The following ABCA2 variants were observed in gnomAD, a reference collection of about 807,000 sequenced individuals.
The protein encoded by ABCA2 is ATP-binding cassette sub-family A member 2.
In ABCA2, 84 loss-of-function variants were observed where a neutral mutation model predicts 262.8. The ratio of observed to expected loss-of-function variants is 0.32; its 90% CI spans 0.27 to 0.38. The LOEUF is 0.38. Ranked by LOEUF, ABCA2 falls within the 10% of genes least tolerant of loss-of-function variation. The probability of loss-of-function intolerance (pLI) is 1.00; values close to 1 mark genes in which losing one functional copy is unlikely to be tolerated. For missense variants in ABCA2, 2,662 were observed against 3,405.9 expected (o/e 0.78, Z 5.44); for synonymous variants, 1,696 against 1,502.9 (o/e 1.13, Z -2.97).
chr9:137,013,757 A>T (rs984067595), intron 28 of ABCA2, 75 bp downstream of exon 28: 2 of 1,491,690 alleles, frequency 1.3e-6, no homozygotes, highest in East Asian at 2.5e-5. Context: ...GAAGCTCAGG[A>T]GTGGGCATCA....
At chr9:137,014,067 T>A in intron 27 of ABCA2, 29 bp from the exon 28 acceptor site, 7 of 1,604,392 alleles carry the variant, frequency 4.4e-6, no homozygotes, top group Non-Finnish European at 5.9e-6. Context: ...GCTGAGCAGG[T>A]GGTTGCACGC....
In ABCA2 at chr9:137,011,150, C is replaced by T. The variant is rs544863894; in HGVS notation, c.5923+36G>A. 1.3e-5 allele frequency: 21 copies of T among 1,612,070 alleles called. 1 individual carries two copies. The South Asian group carries it at 1.9e-4, about 14-fold the overall frequency. ...GGCCTGTGCTCTGGGCCTTGCGGGG[C>T]CCCCACCGCCTTCCCCGCCCCACGG... On this transcript the variant is annotated intron_variant, in intron 38 of 48. Coordinates refer to ENST00000341511, the MANE Select transcript of ABCA2 (RefSeq NM_001606.5). The surrounding 1 kb of genome is among the most constrained non-coding windows in gnomAD (Gnocchi z 8.8).
intron 10 of ABCA2, chr9:137,020,096 C>G: frequency 1.7e-6 from 1 of 572,344 alleles, no homozygotes; most frequent in African/African-American, 1.9e-5. Context: ...CCGGCCACCC[C>G]CAGCCGGAGG....
rs535514173 is a variant in ABCA2 at position 137,009,074 on chromosome 9, C to G, written c.6828-21G>C. The G allele has an allele frequency of 4.1e-5, 66 of 1,599,958 alleles. No individual in the cohort carries two copies. In the South Asian group the frequency reaches 6.7e-4, roughly 16 times the overall value. On this transcript the variant is annotated intron_variant, in intron 45 of 48. Coordinates refer to ENST00000341511, the MANE Select transcript of ABCA2 (RefSeq NM_001606.5). ...CAAACCTGGTGGGACAGGCCGGTGG[C>G]CCGGAGCCCTGCGCCGCCCAGCCAG...
At position 137,010,189 on chromosome 9, in the gene ABCA2, C is replaced by G. The variant is rs759509774; in HGVS notation, c.6353+4G>C. The G allele has an allele frequency of 1.2e-6, 2 of 1,600,596 alleles. No individual in the cohort carries two copies. The highest frequency in any genetic ancestry group is 2.2e-5 in the South Asian group (2 of 90,710). ...GCCCCGCCCACCCAGGGCTCCCGCC[C>G]CACCTGTGTCCATTGACGAAGGCCT... On this transcript the variant is annotated splice_donor_region_variant and intron_variant, in intron 41 of 48. Transcript: ENST00000341511.
Position 137,012,349 on chromosome 9 carries a change from T to C in ABCA2, c.5215A>G (p.Ser1739Gly). ...QVFYNNKGYHSMPTYLNSLNN... is the reference protein window; with the variant it reads ...QVFYNNKGYHGMPTYLNSLNN... ...AGGCTGTTGAGGTAGGTGGGCATGC[T>C]GTGATAGCCCTTGTTGTTGTAGAAA... Residue 1739 changes from serine (S) to glycine (G), a missense_variant, in exon 33 of 49, where the codon AGC (serine) becomes GGC (glycine). Physicochemically the swap from Ser to Gly is moderately conservative, Grantham distance 56. Around this residue, in one of 12 missense-constraint regions of ABCA2, gnomAD observed 602 missense variants for 897.4 expected, o/e 0.67. Coordinates refer to ENST00000341511, the MANE Select transcript of ABCA2 (RefSeq NM_001606.5). The C allele has an allele frequency of 6.2e-7, 1 of 1,612,320 alleles. No homozygotes were observed. The highest frequency in any genetic ancestry group is 8.5e-7 in the Non-Finnish European group (1 of 1,179,730).
Position 137,022,303 on chromosome 9 carries a change from G to A in ABCA2, c.567+48C>T, listed in dbSNP as rs907521298. The stretch of plus-strand genomic sequence containing the variant: ...GATGGCTCAGCAACCAGGGGGCGTG[G>A]CTGGGGCAGAAGGGAGTGGCCAGGG... On this transcript the variant is annotated intron_variant, in intron 6 of 48. Transcript: ENST00000341511. 7.8e-6 allele frequency: 12 copies of A among 1,539,710 alleles called. No homozygotes were observed. In the African/African-American group the frequency reaches 1.6e-4, roughly 21 times the overall value.
In ABCA2 at chr9:137,007,845, G is replaced by A. The variant is rs531301344; in HGVS notation, c.*84C>T. On this transcript the variant is annotated 3_prime_UTR_variant, in exon 49 of 49. Coordinates refer to ENST00000341511, the MANE Select transcript of ABCA2 (RefSeq NM_001606.5). ...CACTCCAGGCCCTGGCAGGCACTGGGGGACTTCTGTCCCCATTGTTGAGTC... is the reference window on the plus strand; with the variant it reads ...CACTCCAGGCCCTGGCAGGCACTGGAGGACTTCTGTCCCCATTGTTGAGTC... 18 of 1,568,322 alleles carry A rather than the reference G, an allele frequency of 1.1e-5. 2 individuals carry two copies. In the South Asian group the frequency reaches 2.0e-4, roughly 18 times the overall value.
At chr9:137,022,069 TC>T in intron 6 of ABCA2, 68 bp from the exon 7 acceptor site, 1 of 587,524 alleles carries the variant, frequency 1.7e-6, no homozygotes, top group East Asian at 7.2e-5. Context: ...GGGGCGTGGC[TC>T]CGATGGACGT....
Position 137,028,017 on chromosome 9 carries a change from C to T in ABCA2, c.66+58G>A. On this transcript the variant is annotated intron_variant, in intron 1 of 48. Transcript: ENST00000341511. This position sits in a 1 kb window ranked among gnomAD's most constrained non-coding sequence, Gnocchi z 6.9. ...TCCGCACGTGCGCGCGGGGAGCGCG[C>T]CTCTGGCCGCGGTGCGCGCGGCCTC... is the stretch of plus-strand genomic sequence containing the variant. The T allele has an allele frequency of 1.1e-6, 1 of 929,068 alleles. No homozygotes were observed. Among genetic ancestry groups the T allele is most frequent in the African/African-American group, 1.8e-5 (1 of 55,726 alleles). 57.6% of individuals were successfully genotyped at this position (929,068 alleles called of 1,614,324 possible).
Position 137,016,756 on chromosome 9 carries a change from G to T in ABCA2, c.2759-18C>A. The T allele has an allele frequency of 6.5e-7, 1 of 1,541,012 alleles. No homozygotes were observed. The highest frequency in any genetic ancestry group is 8.7e-7 in the Non-Finnish European group (1 of 1,147,544). ...GTACATGCCTGGGGGTCGGGGAGGG[G>T]AGGGGAGGCTGACCTAGGGCCTGGG... On this transcript the variant is annotated intron_variant, in intron 19 of 48. Coordinates refer to ENST00000341511, the MANE Select transcript of ABCA2 (RefSeq NM_001606.5).
chr9:137,028,384 C>G, upstream of ABCA2: 1 of 631,012 alleles, frequency 1.6e-6, no homozygotes, highest in Non-Finnish European at 2.0e-6. This position sits in a 1 kb window ranked among gnomAD's most constrained non-coding sequence, Gnocchi z 6.9. Context: ...GCCCGCCGCC[C>G]GCGCCGCGCC....
chr9:137,014,736 GAA>G lies in ABCA2; in HGVS notation c.3955_3956del (p.Phe1319ProfsTer14). The G allele has an allele frequency of 6.2e-7, 1 of 1,604,058 alleles. No homozygotes were observed. The highest frequency in any genetic ancestry group is 2.2e-5 in the East Asian group (1 of 44,554). ...GLMDTTLEEVFLKVSEEDQSL... is the reference protein window; with the variant it reads ...GLMDTTLEEVXLKVSEEDQSL... ...ACTGATCCTCCTCCGACACCTTGAG[GAA>G]CACTTCCTCCAGGGTCGTGTCCATC... On this transcript the variant is annotated frameshift_variant, in exon 26 of 49. Transcript: ENST00000341511. LOFTEE classifies it high-confidence loss of function.
chr9:137,007,237 A>G lies in ABCA2; in HGVS notation c.*692T>C, dbSNP rs538361602. 1 of 152,524 alleles carries G rather than the reference A, an allele frequency of 6.6e-6. No homozygotes were observed. The highest frequency in any genetic ancestry group is 1.9e-4 in the East Asian group (1 of 5,152). The allele number at this position is 152,524 out of a possible 1,614,324, so 9.4% of individuals were successfully genotyped here. ...AACCCACACACGCAGACCCGCAGAC[A>G]TTTTGTTTATTTATTTAAAACAAAC... On this transcript the variant is annotated 3_prime_UTR_variant, in exon 49 of 49. Coordinates refer to ENST00000341511, the MANE Select transcript of ABCA2 (RefSeq NM_001606.5).
rs1213661556 is a variant in ABCA2 at position 137,022,874 on chromosome 9, T to C, written c.276-9A>G. ...CAAGCAGCTGCGTGACCCTGCACCA[T>C]GGCGGATGTCACTCACTGGATGGGC... On this transcript the variant is annotated splice_polypyrimidine_tract_variant and intron_variant, in intron 4 of 48. Coordinates refer to ENST00000341511, the MANE Select transcript of ABCA2 (RefSeq NM_001606.5). 7.8e-7 allele frequency: 1 copy of C among 1,276,650 alleles called. No individual in the cohort carries two copies. Among genetic ancestry groups the C allele is most frequent in the Non-Finnish European group, 1.0e-6 (1 of 977,308 alleles). 79.1% of individuals were successfully genotyped at this position (1,276,650 alleles called of 1,614,324 possible).
At chr9:137,025,049 G>A (rs1383923867) in intron 1 of ABCA2, among the ~76,000 whole-genome samples, 1 of 152,116 alleles carries the variant, frequency 6.6e-6, no homozygotes, top group Non-Finnish European at 1.5e-5. Context: ...CCGCCCACCT[G>A]GGCGTGAGCC....
chr9:137,009,321 G>GA, intron 45 of ABCA2, 49 bp downstream of exon 45: 2 of 1,181,572 alleles, frequency 1.7e-6, no homozygotes, highest in Non-Finnish European at 2.3e-6. Context: ...CTGCCTGGCC[G>GA]CCCCCCCCGG....
chr9:137,010,984 C>T lies in ABCA2; in HGVS notation c.6045G>A (p.Leu2015=). ...CGCCCCCCACTCACTGTGGCCGCCG[C>T]AGGAAGTTGTACTGGCACATGATGG... The part of the protein sequence containing the change: ...LLTIMCQYNF[L]RRPQRMPVST... Residue 2015 remains leucine, a synonymous_variant, in exon 39 of 49, where the codon CTG becomes CTA. Coordinates refer to ENST00000341511, the MANE Select transcript of ABCA2 (RefSeq NM_001606.5). 6.3e-7 allele frequency: 1 copy of T among 1,588,542 alleles called. No homozygotes were observed. The highest frequency in any genetic ancestry group is 2.0e-4 in the Middle Eastern group (1 of 4,944).
chr9:137,018,323 G>T lies in ABCA2; in HGVS notation c.1848C>A (p.Gly616=). ...ASVIFQTRKD[G]SLPPHVHYKI... Reference sequence around the variant, plus strand: ...TGTAGTGCACGTGAGGCGGGAGCGAGCCGTCCTTCCGGGTCTGGAAGATCA... The same window carrying T: ...TGTAGTGCACGTGAGGCGGGAGCGATCCGTCCTTCCGGGTCTGGAAGATCA... Residue 616 remains glycine (G), a synonymous_variant, in exon 14 of 49, where the codon GGC becomes GGA. Transcript: ENST00000341511. The T allele has an allele frequency of 6.2e-7, 1 of 1,600,732 alleles. No homozygotes were observed.
Sources: gnomAD v4.1 joint callset for allele counts (sites outside exome capture counted in the v4.1 genomes callset) on GRCh38, gnomAD v4.1.1 for gene constraint, gnomAD v4.1.1 regional missense constraint, Gnocchi (gnomAD v3.1) non-coding constraint, MANE v1.5 for transcripts, NCBI Gene and HGNC (gene_info 2026-07-23, HGNC 2026-07-21) for gene names.